CDKAL1: variants seen among roughly 807,000 people sequenced by gnomAD.
CDKAL1 encodes the protein threonylcarbamoyladenosine tRNA methylthiotransferase.
Under a neutral mutation model 68.2 loss-of-function variants are expected in CDKAL1, and 32 were observed. The observed-to-expected ratio is 0.47, with a 90% CI of 0.35 to 0.63. CDKAL1 has a LOEUF of 0.63. Among genes scored for constraint, CDKAL1 ranks in the 30% least tolerant of loss-of-function variants. CDKAL1 has a pLI of 0.00. For missense variants in CDKAL1, 606 were observed against 696.7 expected (o/e 0.87, Z 1.47); for synonymous variants, 234 against 244.3 (o/e 0.96, Z 0.39).
intron 5 of CDKAL1, among the ~76,000 whole-genome samples, chr6:20,678,067 T>C (rs1770198972): frequency 1.3e-5 from 2 of 150,538 alleles, no homozygotes; most frequent in East Asian, 3.9e-4. Flanking sequence ...GTAGTAACAC[T>C]GAATCTAGAT....
intron 15 of CDKAL1, among the ~76,000 whole-genome samples, chr6:21,208,036 G>T (rs1288207121): frequency 1.3e-5 from 2 of 150,346 alleles, no homozygotes; most frequent in African/African-American, 2.5e-5. Context: ...TTTTTAAAGA[G>T]AATATTCTAG....
chr6:21,112,681 CAT>C (rs1381328710), intron 13 of CDKAL1, among the ~76,000 whole-genome samples: 3 of 152,132 alleles, frequency 2.0e-5, no homozygotes, highest in Non-Finnish European at 2.9e-5. Context: ...GAAGCAAATT[CAT>C]ATATGTCATT....
chr6:21,104,473 G>C (rs1773744253), intron 12 of CDKAL1, among the ~76,000 whole-genome samples: 1 of 151,736 alleles, frequency 6.6e-6, no homozygotes, highest in Admixed American at 6.6e-5. Context: ...GGGCCAGATA[G>C]TAAATACTTT....
chr6:20,919,972 C>G (rs1046911546), intron 9 of CDKAL1, among the ~76,000 whole-genome samples: 10 of 152,066 alleles, frequency 6.6e-5, no homozygotes, highest in African/African-American at 2.4e-4. Flanking sequence ...TAGGGGTGGT[C>G]GTGTTTACAG....
At chr6:20,711,538 G>T (rs530060161) in intron 5 of CDKAL1, among the ~76,000 whole-genome samples, 1 of 152,300 alleles carries the variant, frequency 6.6e-6, no homozygotes, top group South Asian at 2.1e-4. Context: ...GAATGAGTTG[G>T]ATTTCACCAC....
intron 10 of CDKAL1, among the ~76,000 whole-genome samples, chr6:20,998,055 G>A (rs552997023): frequency 6.6e-6 from 1 of 152,212 alleles, no homozygotes; most frequent in South Asian, 2.1e-4. Flanking sequence ...TGAGTGTGAA[G>A]TTTCATCTCG....
intron 10 of CDKAL1, among the ~76,000 whole-genome samples, chr6:20,993,318 T>G (rs917780259): frequency 5.4e-5 from 8 of 149,066 alleles, no homozygotes; most frequent in African/African-American, 2.0e-4. Context: ...TTTTTGGAGG[T>G]TTTTTTTTTC....
chr6:20,649,415 A>G (rs765193798), intron 5 of CDKAL1, 38 bp downstream of exon 5: 2 of 1,171,218 alleles, frequency 1.7e-6, no homozygotes, highest in South Asian at 2.7e-5. Flanking sequence ...TTGTATAATC[A>G]AAGTAAGAAT....
intron 10 of CDKAL1, among the ~76,000 whole-genome samples, chr6:20,957,950 G>A (rs9368261): frequency 0.2 from 26,075 of 128,068 alleles, 2,693 homozygotes; most frequent in Middle Eastern, 0.35. Flanking sequence ...CAGCCTGGGT[G>A]ACAAAGCAAG....
intron 9 of CDKAL1, among the ~76,000 whole-genome samples, chr6:20,904,044 G>A (rs966264051): frequency 5.3e-5 from 8 of 152,190 alleles, no homozygotes; most frequent in African/African-American, 1.9e-4. Context: ...CCATACACTT[G>A]GTCTAAGAGA....
rs185059915 is a variant in CDKAL1 at position 21,059,853 on chromosome 6, C to A, written c.1056-5195C>A. 4.8e-3 allele frequency among the ~76,000 whole-genome samples: 723 copies of A among 152,134 alleles called. 9 individuals carry two copies. Among genetic ancestry groups the A allele is most frequent in the South Asian group, 0.03 (143 of 4,814 alleles). On this transcript the variant is annotated intron_variant, in intron 11 of 15. Coordinates refer to ENST00000274695, the MANE Select transcript of CDKAL1 (RefSeq NM_017774.3). ...GGTGAAGTCTGAGATTTTAGTGTAC[C>A]CTTCACCCAAGTAGTGAACACTGTA...
At chr6:20,625,553 A>G (rs1463686580) in intron 4 of CDKAL1, among the ~76,000 whole-genome samples, 1 of 152,110 alleles carries the variant, frequency 6.6e-6, no homozygotes, top group Non-Finnish European at 1.5e-5. Context: ...GTCAAACTAT[A>G]TAGGTAGTAT....
At chr6:21,146,558 C>A (rs1318686496) in intron 13 of CDKAL1, among the ~76,000 whole-genome samples, 1 of 152,094 alleles carries the variant, frequency 6.6e-6, no homozygotes, top group Non-Finnish European at 1.5e-5. Flanking sequence ...CTCTAAGATA[C>A]TCTTAAATTT....
intron 9 of CDKAL1, among the ~76,000 whole-genome samples, chr6:20,861,124 A>G (rs568924319): frequency 2.6e-4 from 40 of 152,288 alleles, no homozygotes; most frequent in Non-Finnish European, 4.4e-4. Context: ...GGATTTGCAC[A>G]TGGGCCTGTG....
At chr6:20,814,734 T>C (rs1218235376) in intron 8 of CDKAL1, among the ~76,000 whole-genome samples, 2 of 152,200 alleles carry the variant, frequency 1.3e-5, no homozygotes, top group Non-Finnish European at 1.5e-5. Flanking sequence ...AGAAAGGAAT[T>C]GTTTTGCCTA....
intron 10 of CDKAL1, among the ~76,000 whole-genome samples, chr6:20,973,858 G>T: frequency 6.6e-6 from 1 of 152,194 alleles, no homozygotes. Context: ...GCTCACCTCA[G>T]CCTCCCAAAG....
chr6:20,727,250 A>G (rs889825685), intron 5 of CDKAL1, among the ~76,000 whole-genome samples: 1 of 152,122 alleles, frequency 6.6e-6, no homozygotes, highest in Non-Finnish European at 1.5e-5. Flanking sequence ...AGGTCACAGG[A>G]GGAAAAAAGC....
chr6:21,146,503 C>T (rs1776172883), intron 13 of CDKAL1, among the ~76,000 whole-genome samples: 1 of 152,102 alleles, frequency 6.6e-6, no homozygotes, highest in African/African-American at 2.4e-5. Flanking sequence ...AGGAGGAAAA[C>T]TCTTTTTGAC....
At chr6:20,978,037 C>T (rs1281227656) in intron 10 of CDKAL1, among the ~76,000 whole-genome samples, 1 of 152,104 alleles carries the variant, frequency 6.6e-6, no homozygotes, top group East Asian at 1.9e-4. Flanking sequence ...AAATTTGATA[C>T]TACTCAAATT....
Sources: gnomAD v4.1 joint callset for allele counts (sites outside exome capture counted in the v4.1 genomes callset) on GRCh38, gnomAD v4.1.1 for gene constraint, MANE v1.5 for transcripts, NCBI Gene and HGNC (gene_info 2026-07-23, HGNC 2026-07-21) for gene names.